RABGAP1L: variants seen among roughly 807,000 people sequenced by gnomAD.
RABGAP1L encodes the protein rab GTPase-activating protein 1-like.
RABGAP1L carries 63 observed loss-of-function variants against 137.7 expected under a neutral mutation model. The observed-to-expected ratio is 0.46, with a 90% CI of 0.37 to 0.56. The LOEUF (loss-of-function observed/expected upper bound fraction) is 0.56. RABGAP1L is among the 20% of genes least tolerant of loss of function. RABGAP1L has a pLI of 0.00. For missense variants in RABGAP1L, 1,095 were observed against 1,244.0 expected, an observed-to-expected ratio of 0.88 and a Z score of 1.80; for synonymous variants, 431 against 433.7, an observed-to-expected ratio of 0.99 and a Z score of 0.08.
Position 174,463,831 on chromosome 1 carries a change from ATGT to A in RABGAP1L, c.1710+69689_1710+69691del, listed in dbSNP as rs1656994250. On this transcript the variant is annotated intron_variant, in intron 13 of 25. Coordinates refer to ENST00000681986, the MANE Select transcript of RABGAP1L (RefSeq NM_001366446.1). Reference sequence around the variant, plus strand: ...GTAAAAAAAATAATAATAATAACAGATGTTGGTGAGGTTGCAGAGAAAAGGGAA... The same window carrying A: ...GTAAAAAAAATAATAATAATAACAGATGGTGAGGTTGCAGAGAAAAGGGAA... 2.0e-5 allele frequency among the ~76,000 whole-genome samples: 3 copies of A among 152,060 alleles called. No individual in the cohort carries two copies. In the Middle Eastern group the frequency reaches 0.01, roughly 517 times the overall value.
intron 12 of RABGAP1L, among the ~76,000 whole-genome samples, chr1:174,371,344 T>G (rs1685098908): frequency 6.6e-6 from 1 of 152,076 alleles, no homozygotes; most frequent in Admixed American, 6.6e-5. Flanking sequence ...ATTATTTGTC[T>G]TATTATTTCA....
intron 11 of RABGAP1L, among the ~76,000 whole-genome samples, chr1:174,326,236 C>T (rs1300969179): frequency 1.3e-5 from 2 of 152,174 alleles, no homozygotes; most frequent in East Asian, 1.9e-4. Flanking sequence ...GATCCTAAAC[C>T]ATGTAGATGA....
intron 13 of RABGAP1L, among the ~76,000 whole-genome samples, chr1:174,519,504 T>G (rs1345051465): frequency 7.2e-5 from 11 of 152,296 alleles, no homozygotes; most frequent in African/African-American, 2.6e-4. Context: ...AGGGTGGGTC[T>G]GCCTTCCCCA....
chr1:174,546,091 C>G (rs989076484), intron 13 of RABGAP1L, among the ~76,000 whole-genome samples: 2 of 152,090 alleles, frequency 1.3e-5, no homozygotes, highest in African/African-American at 2.4e-5. Flanking sequence ...AGCCTGTAAA[C>G]TCCTTTAGAC....
intron 13 of RABGAP1L, among the ~76,000 whole-genome samples, chr1:174,535,895 CA>C (rs1558317446): frequency 6.6e-6 from 1 of 151,860 alleles, no homozygotes; most frequent in African/African-American, 2.4e-5. Context: ...TTTATAAGAA[CA>C]AAAAAGGTTT....
chr1:174,715,214 G>C (rs1680903540), intron 17 of RABGAP1L, among the ~76,000 whole-genome samples: 1 of 152,146 alleles, frequency 6.6e-6, no homozygotes, highest in African/African-American at 2.4e-5. Flanking sequence ...TCTAGAAACT[G>C]TATTGGGAAA....
intron 13 of RABGAP1L, among the ~76,000 whole-genome samples, chr1:174,403,208 A>AGT (rs201238291): frequency 0.065 from 8,250 of 126,574 alleles, 233 homozygotes; most frequent in South Asian, 0.087. Context: ...TATATATGAG[A>AGT]GTGTGTGTGT....
chr1:174,792,168 G>GC (rs2148799734), intron 18 of RABGAP1L, among the ~76,000 whole-genome samples: 1 of 152,300 alleles, frequency 6.6e-6, no homozygotes, highest in South Asian at 2.1e-4. Flanking sequence ...CTTATCTACT[G>GC]CCTCAGTCTT....
At chr1:174,602,332 A>C (rs1572468067) in intron 13 of RABGAP1L, among the ~76,000 whole-genome samples, 1 of 152,320 alleles carries the variant, frequency 6.6e-6, no homozygotes, top group African/African-American at 2.4e-5. Context: ...ATGAGAATGA[A>C]GCAAAAGCGG....
At chr1:174,247,816 G>T (rs1029838877) in intron 5 of RABGAP1L, among the ~76,000 whole-genome samples, 7 of 152,036 alleles carry the variant, frequency 4.6e-5, no homozygotes, top group African/African-American at 1.7e-4. Context: ...TATATACCTG[G>T]TTAGTATGCA....
intron 17 of RABGAP1L, among the ~76,000 whole-genome samples, chr1:174,723,285 G>A (rs1681726338): frequency 6.6e-6 from 1 of 152,096 alleles, no homozygotes; most frequent in Non-Finnish European, 1.5e-5. Flanking sequence ...ATGTTGGCCA[G>A]GCTGGTCTCG....
chr1:174,980,691 G>C (rs1671025069), intron 23 of RABGAP1L, among the ~76,000 whole-genome samples: 3 of 152,172 alleles, frequency 2.0e-5, no homozygotes, highest in Non-Finnish European at 2.9e-5. Flanking sequence ...GGCTAGGCTT[G>C]GGACCTTGGA....
chr1:174,936,758 T>G (rs114690736), intron 19 of RABGAP1L, among the ~76,000 whole-genome samples: 1 of 152,158 alleles, frequency 6.6e-6, no homozygotes, highest in Admixed American at 6.5e-5. Flanking sequence ...GAAACTTTAC[T>G]AAGAATTAGA....
rs1035019806 is a variant in RABGAP1L at position 174,182,981 on chromosome 1, T to C, written c.-34+23324T>C. 5.9e-5 allele frequency among the ~76,000 whole-genome samples: 9 copies of C among 152,254 alleles called. No homozygotes were observed. The South Asian group carries it at 1.9e-3, about 32-fold the overall frequency. On this transcript the variant is annotated intron_variant, in intron 1 of 25. Coordinates refer to ENST00000681986, the MANE Select transcript of RABGAP1L (RefSeq NM_001366446.1). ...TAATATTTTTCTAAAGCTATTTCTT[T>C]ATATGCATGTGTTTTAGAGTTGTGT... is the stretch of plus-strand genomic sequence containing the variant.
Position 174,826,117 on chromosome 1 carries a change from C to T in RABGAP1L, c.2340+14157C>T, listed in dbSNP as rs143474496. Among the ~76,000 whole-genome samples the T allele has an allele frequency of 5.6e-4, 86 of 152,314 alleles. 1 individual carries two copies. Among genetic ancestry groups the T allele is most frequent in the Admixed American group, 1.4e-3 (22 of 15,298 alleles). ...ATGTCCAGGTGTACTCAATGTTTAG[C>T]TCCCACTTATAAGTAAAACATGCAG... On this transcript the variant is annotated intron_variant, in intron 19 of 25. Coordinates refer to ENST00000681986, the MANE Select transcript of RABGAP1L (RefSeq NM_001366446.1).
chr1:174,349,578 A>C (rs1398212404), intron 11 of RABGAP1L, among the ~76,000 whole-genome samples: 1 of 110,124 alleles, frequency 9.1e-6, no homozygotes, highest in Non-Finnish European at 1.9e-5. Context: ...CTGGCCGGGC[A>C]GGGGGGCTGA....
intron 17 of RABGAP1L, among the ~76,000 whole-genome samples, chr1:174,739,776 G>T (rs749688429): frequency 6.6e-6 from 1 of 152,172 alleles, no homozygotes; most frequent in Non-Finnish European, 1.5e-5. Context: ...TAAAATGGAG[G>T]TAATTAATAA....
intron 17 of RABGAP1L, among the ~76,000 whole-genome samples, chr1:174,739,253 A>G (rs985798085): frequency 6.6e-6 from 1 of 152,202 alleles, no homozygotes; most frequent in African/African-American, 2.4e-5. Context: ...TTAGTACCCA[A>G]AGTTGTGGAT....
At chr1:174,173,482 TATTAC>T (rs1665578193) in intron 1 of RABGAP1L, among the ~76,000 whole-genome samples, 1 of 152,164 alleles carries the variant, frequency 6.6e-6, no homozygotes, top group Non-Finnish European at 1.5e-5. Flanking sequence ...ACTATTACAT[TATTAC>T]ATACTTGGTT....
Sources: allele counts gnomAD v4.1 joint callset (sites outside exome capture counted in the v4.1 genomes callset), GRCh38; gene constraint gnomAD v4.1.1; transcripts MANE v1.5; gene names NCBI Gene and HGNC (gene_info 2026-07-23, HGNC 2026-07-21).